Variants in PRKAR2A observed in about 807,000 individuals in gnomAD.
PRKAR2A encodes the protein protein kinase cAMP-dependent type II regulatory subunit alpha.
PRKAR2A carries 29 observed loss-of-function variants against 51.9 expected under a neutral mutation model. That is an observed-to-expected ratio of 0.56 (90% CI 0.42 to 0.76). The LOEUF (loss-of-function observed/expected upper bound fraction) is 0.76, where lower values mean the gene tolerates loss of function less well. PRKAR2A is among the 30% of genes least tolerant of loss of function. PRKAR2A has a pLI of 0.00. For synonymous variants in PRKAR2A, 178 were observed against 186.2 expected (o/e 0.96, Z 0.36); for missense variants, 445 against 512.1 (o/e 0.87, Z 1.26).
intron 8 of PRKAR2A, among the ~76,000 whole-genome samples, chr3:48,763,323 T>C (rs540702317): frequency 3.3e-5 from 5 of 152,172 alleles, no homozygotes; most frequent in African/African-American, 1.2e-4. Context: ...CCTTTTAATA[T>C]CATCTTAATT....
chr3:48,781,137 AT>A (rs71077735), intron 5 of PRKAR2A, among the ~76,000 whole-genome samples: 3,114 of 124,296 alleles, frequency 0.025, 69 homozygotes, highest in African/African-American at 0.079. Flanking sequence ...TGCCTGGCTA[AT>A]TTTTTTTTTT....
At chr3:48,808,698 G>C (rs1258175193) in intron 1 of PRKAR2A, among the ~76,000 whole-genome samples, 1 of 106,336 alleles carries the variant, frequency 9.4e-6, no homozygotes, top group Non-Finnish European at 1.9e-5. Context: ...TGTATTTTTA[G>C]TAGAGACAGG....
intron 8 of PRKAR2A, among the ~76,000 whole-genome samples, chr3:48,761,865 C>T (rs2081867406): frequency 6.6e-6 from 1 of 152,212 alleles, no homozygotes; most frequent in Non-Finnish European, 1.5e-5. Flanking sequence ...TTATCTGCCT[C>T]AAGCTATTCA....
chr3:48,752,750 G>C (rs1393098256), intron 9 of PRKAR2A, among the ~76,000 whole-genome samples: 1 of 151,742 alleles, frequency 6.6e-6, no homozygotes, highest in Non-Finnish European at 1.5e-5. Context: ...CAAGGCTGGA[G>C]TTCAGAGGAA....
At chr3:48,796,784 C>G (rs2082500340) in intron 2 of PRKAR2A, among the ~76,000 whole-genome samples, 1 of 151,794 alleles carries the variant, frequency 6.6e-6, no homozygotes, top group African/African-American at 2.4e-5. Flanking sequence ...GCAACCGCGC[C>G]CGGCCAACTC....
At chr3:48,829,678 ATGTG>A (rs765041124) in intron 1 of PRKAR2A, among the ~76,000 whole-genome samples, 21 of 130,556 alleles carry the variant, frequency 1.6e-4, no homozygotes, top group African/African-American at 5.2e-4. Context: ...ACACACATAA[ATGTG>A]TGTGTGTATA....
rs2081622517 is a variant in PRKAR2A at position 48,750,082 on chromosome 3, T to G, written c.*1503A>C. The G allele has an allele frequency of 6.6e-6, 1 of 151,850 alleles. No individual in the cohort carries two copies. The allele number at this position is 151,850 out of a possible 1,614,324, so 9.4% of individuals were successfully genotyped here. A position where few individuals can be genotyped will look rare whatever the true frequency, so the allele number is the denominator to read the frequency against. The stretch of plus-strand genomic sequence containing the variant: ...ACAAATTAAAAAAAAATTTTTTTTT[T>G]GCCAGGTGCAGTGGCTCACATCTGT... On this transcript the variant is annotated 3_prime_UTR_variant, in exon 11 of 11. Transcript: ENST00000265563.
rs79343371 is a variant in PRKAR2A, at chr3:48,809,356, C to T, written c.263-1672G>A. Among the ~76,000 whole-genome samples, 641 of 151,664 alleles carry T rather than the reference C, an allele frequency of 4.2e-3. 2 individuals carry two copies. Among genetic ancestry groups the T allele is most frequent in the Non-Finnish European group, 7.0e-3 (473 of 67,930 alleles). ...TTGTAATCCCAGCACTCTGGGAGGC[C>T]GAGGCGGCTGGATCATTTGAGGTCA... On this transcript the variant is annotated intron_variant, in intron 1 of 10. Coordinates refer to ENST00000265563, the MANE Select transcript of PRKAR2A (RefSeq NM_004157.4).
chr3:48,758,043 C>T (rs188701264), intron 8 of PRKAR2A, among the ~76,000 whole-genome samples: 7 of 151,034 alleles, frequency 4.6e-5, no homozygotes, highest in Non-Finnish European at 1.0e-4. Flanking sequence ...GCGACAAGAA[C>T]GAAACTCTGT....
At chr3:48,829,556 GTATATATACACACATAAATATATA>G (rs2083132399) in intron 1 of PRKAR2A, among the ~76,000 whole-genome samples, 1 of 127,670 alleles carries the variant, frequency 7.8e-6, no homozygotes, top group Admixed American at 8.2e-5. Context: ...ATATATATGT[GTATATATACACACATAAATATATA>G]TGTGTGTATA....
chr3:48,822,727 T>G (rs968025551), intron 1 of PRKAR2A, among the ~76,000 whole-genome samples: 12 of 150,568 alleles, frequency 8.0e-5, no homozygotes, highest in South Asian at 2.1e-4. Flanking sequence ...GGATGTTGTT[T>G]TTTTTTTTTT....
intron 5 of PRKAR2A, among the ~76,000 whole-genome samples, chr3:48,780,602 C>CAAA (rs568780150): frequency 3.9e-4 from 19 of 49,304 alleles, no homozygotes; most frequent in African/African-American, 1.3e-3. Flanking sequence ...GACTCCGTCT[C>CAAA]AAAAAAAAAA....
chr3:48,783,167 A>G (rs770148612), intron 4 of PRKAR2A, 75 bp from the exon 5 acceptor site: 20 of 935,776 alleles, frequency 2.1e-5, no homozygotes, highest in Non-Finnish European at 3.1e-5. Context: ...AATTATCTCA[A>G]TTTGTGACTA....
At chr3:48,821,916 GAA>G (rs553317539) in intron 1 of PRKAR2A, among the ~76,000 whole-genome samples, 3 of 101,334 alleles carry the variant, frequency 3.0e-5, no homozygotes, top group Non-Finnish European at 2.0e-5. Context: ...CTCCATGTCA[GAA>G]AAAAAAAAAA....
intron 6 of PRKAR2A, among the ~76,000 whole-genome samples, chr3:48,769,358 C>T (rs1308173320): frequency 4.6e-5 from 7 of 151,684 alleles, no homozygotes; most frequent in Non-Finnish European, 8.8e-5. Flanking sequence ...GGGGTTTCAC[C>T]GTGTTAGCCA....
intron 6 of PRKAR2A, among the ~76,000 whole-genome samples, chr3:48,767,060 C>T (rs1450549365): frequency 1.3e-5 from 2 of 152,176 alleles, no homozygotes; most frequent in Non-Finnish European, 2.9e-5. Flanking sequence ...CAGGGAGATA[C>T]ATGTGAGAAT....
intron 1 of PRKAR2A, among the ~76,000 whole-genome samples, chr3:48,829,647 TGTGTGTATAC>T (rs2083142842): frequency 1.5e-5 from 2 of 135,980 alleles, no homozygotes; most frequent in South Asian, 2.1e-4. Flanking sequence ...CATAAATGTG[TGTGTGTATAC>T]GTGTGTATAC....
chr3:48,795,937 G>A lies in PRKAR2A; in HGVS notation c.299-1888C>T, dbSNP rs530485526. On this transcript the variant is annotated intron_variant, in intron 2 of 10. Transcript: ENST00000265563. Reference sequence around the variant, plus strand: ...AGGGGGATACAAATATGGACTGGAGGAAGAATTAGAAATGGAGATATCGAT... The same window carrying A: ...AGGGGGATACAAATATGGACTGGAGAAAGAATTAGAAATGGAGATATCGAT... Among the ~76,000 whole-genome samples the A allele has an allele frequency of 5.9e-5, 9 of 152,294 alleles. No homozygotes were observed. In the South Asian group the frequency reaches 1.9e-3, roughly 32 times the overall value.
rs1559597652 is a variant in PRKAR2A at position 48,751,250 on chromosome 3, GGAAA to G, written c.*331_*334del. On this transcript the variant is annotated 3_prime_UTR_variant, in exon 11 of 11. Coordinates refer to ENST00000265563, the MANE Select transcript of PRKAR2A (RefSeq NM_004157.4). Reference sequence around the variant, plus strand: ...CAAAAGCAAGAGTAGCAGCAAGAGAGGAAAGGAGCATGTTTATACTTTGGACTTT... The same window carrying G: ...CAAAAGCAAGAGTAGCAGCAAGAGAGGGAGCATGTTTATACTTTGGACTTT... 2.1e-6 allele frequency: 1 copy of G among 487,624 alleles called. No individual in the cohort carries two copies. The highest frequency in any genetic ancestry group is 2.3e-5 in the Admixed American group (1 of 43,152). The allele number at this position is 487,624 out of a possible 1,614,324, so 30.2% of individuals were successfully genotyped here. A position where few individuals can be genotyped will look rare whatever the true frequency, so the allele number is the denominator to read the frequency against.
Sources: gnomAD v4.1 joint callset for allele counts (sites outside exome capture counted in the v4.1 genomes callset) on GRCh38, gnomAD v4.1.1 for gene constraint, MANE v1.5 for transcripts, NCBI Gene and HGNC (gene_info 2026-07-23, HGNC 2026-07-21) for gene names.